The following FAM13B variants were observed in gnomAD, a reference collection of about 807,000 sequenced individuals.
The protein encoded by FAM13B is family with sequence similarity 13 member B, also known as protein FAM13B.
FAM13B carries 60 observed loss-of-function variants against 117.3 expected under a neutral mutation model. The ratio of observed to expected loss-of-function variants is 0.51; its 90% confidence interval spans 0.42 to 0.63. The LOEUF is 0.63. FAM13B is among the 30% of genes least tolerant of loss of function. The probability of loss-of-function intolerance (pLI) is 0.00; values close to 1 mark genes in which losing one functional copy is unlikely to be tolerated. For missense variants in FAM13B, 972 were observed against 1,091.9 expected (o/e 0.89, Z 1.55); for synonymous variants, 332 against 356.1 (o/e 0.93, Z 0.76).
At position 138,025,807 on chromosome 5, in the gene FAM13B, C is replaced by G. The variant is rs1432751986; in HGVS notation, c.-202-4610G>C. On this transcript the variant is annotated intron_variant, in intron 1 of 23. Coordinates refer to ENST00000689681, the MANE Select transcript of FAM13B (RefSeq NM_001385994.1). ...AAATTTTGTACAAAAGCATAAAAAC[C>G]CTGATTAACACAAACAATCCTGAAG... Among the ~76,000 whole-genome samples the G allele has an allele frequency of 7.2e-5, 11 of 152,036 alleles. No homozygotes were observed. The East Asian group carries it at 2.1e-3, about 29-fold the overall frequency.
intron 1 of FAM13B, among the ~76,000 whole-genome samples, chr5:138,044,628 C>A (rs4033319): frequency 0.98 from 149,085 of 152,024 alleles, 73,169 homozygotes; most frequent in Middle Eastern, 1. Flanking sequence ...TTTCACGGTA[C>A]AGTAAGGATT....
In FAM13B at chr5:138,021,213, A is replaced by C; in HGVS notation, c.-202-16T>G. 1 of 1,230,954 alleles carries C rather than the reference A, an allele frequency of 8.1e-7. No individual in the cohort carries two copies. The highest frequency in any genetic ancestry group is 4.1e-5 in the South Asian group (1 of 24,306). The allele number at this position is 1,230,954 out of a possible 1,614,324, so 76.3% of individuals were successfully genotyped here. Reference sequence around the variant, plus strand: ...AGCAGTTAATCTACAAGACAAAAACAATTATTTCAATTTCCCACATCTTTA... The same window carrying C: ...AGCAGTTAATCTACAAGACAAAAACCATTATTTCAATTTCCCACATCTTTA... On this transcript the variant is annotated splice_polypyrimidine_tract_variant and intron_variant, in intron 1 of 23. Transcript: ENST00000689681.
Position 138,033,067 on chromosome 5 carries a change from G to C in FAM13B, c.-488C>G. On this transcript the variant is annotated 5_prime_UTR_variant, in exon 1 of 24. Coordinates refer to ENST00000689681, the MANE Select transcript of FAM13B (RefSeq NM_001385994.1). ...GCAGAGCCTCCCTAACGGCGAGCGG[G>C]AGGAGAGCGGCTGGCGGGCGGAGGC... The C allele has an allele frequency of 5.1e-6, 5 of 986,328 alleles. No homozygotes were observed. Among genetic ancestry groups the C allele is most frequent in the Non-Finnish European group, 6.0e-6 (5 of 830,768 alleles). The allele number at this position is 986,328 out of a possible 1,614,324, so 61.1% of individuals were successfully genotyped here. A position where few individuals can be genotyped will look rare whatever the true frequency, so the allele number is the denominator to read the frequency against.
At chr5:138,051,021 T>TG (rs370903227) in intron 1 of FAM13B, among the ~76,000 whole-genome samples, 1,957 of 150,354 alleles carry the variant, frequency 0.013, 19 homozygotes, top group Middle Eastern at 0.024. Context: ...AGCATATTAG[T>TG]GGGGGGGGGA....
At chr5:137,960,685 C>T (rs980061466) in intron 11 of FAM13B, among the ~76,000 whole-genome samples, 12 of 152,190 alleles carry the variant, frequency 7.9e-5, no homozygotes, top group African/African-American at 2.9e-4. Context: ...AAGGATACTA[C>T]TTCCAATCAG....
chr5:138,036,420 T>C, upstream of FAM13B: 1 of 456,510 alleles, frequency 2.2e-6, no homozygotes, highest in East Asian at 6.9e-5. Flanking sequence ...AACATTCCTC[T>C]ACTCTGCTGC....
chr5:138,035,763 A>G (rs1372099233), upstream of FAM13B, among the ~76,000 whole-genome samples: 1 of 152,232 alleles, frequency 6.6e-6, no homozygotes, highest in Non-Finnish European at 1.5e-5. Context: ...TCCCGGCTTA[A>G]CTAATCATAA....
At chr5:138,014,308 C>T (rs539233998) in intron 4 of FAM13B, among the ~76,000 whole-genome samples, 47 of 152,296 alleles carry the variant, frequency 3.1e-4, no homozygotes, top group South Asian at 8.3e-4. Context: ...GGTCCCCAGC[C>T]GGGGCTGCAG....
chr5:138,007,019 G>A lies in FAM13B; in HGVS notation c.819C>T (p.Ile273=). Residue 273 remains isoleucine, a synonymous_variant, in exon 7 of 24, where the codon ATC becomes ATT. Coordinates refer to ENST00000689681, the MANE Select transcript of FAM13B (RefSeq NM_001385994.1). ...EVVQLRMTEN[I]LESNSVTATS... ...TTGCCGTAACACTATTTGATTCCAGGATGTTTTCAGTCATCCTTAATTGTA... is the reference window on the plus strand; with the variant it reads ...TTGCCGTAACACTATTTGATTCCAGAATGTTTTCAGTCATCCTTAATTGTA... 6.2e-7 allele frequency: 1 copy of A among 1,610,254 alleles called. No homozygotes were observed. Among genetic ancestry groups the A allele is most frequent in the Non-Finnish European group, 8.5e-7 (1 of 1,179,162 alleles).
chr5:137,970,969 G>C (rs1024220610), intron 10 of FAM13B, among the ~76,000 whole-genome samples: 10 of 151,838 alleles, frequency 6.6e-5, no homozygotes, highest in East Asian at 1.9e-4. Flanking sequence ...AGCAAGTCCT[G>C]AGTGACCTAC....
At position 137,985,503 on chromosome 5, in the gene FAM13B, G is replaced by A. The variant is rs1024356987; in HGVS notation, c.1047-114C>T. On this transcript the variant is annotated intron_variant, in intron 9 of 23. Transcript: ENST00000689681. Reference sequence around the variant, plus strand: ...GAAACTTTTACTTGTTAAAGAAAATGTGTACCTTTCACAAAAATCCACACT... The same window carrying A: ...GAAACTTTTACTTGTTAAAGAAAATATGTACCTTTCACAAAAATCCACACT... 2.0e-5 allele frequency: 21 copies of A among 1,049,246 alleles called. No individual in the cohort carries two copies. The African/African-American group carries it at 2.9e-4, about 15-fold the overall frequency. 65.0% of individuals were successfully genotyped at this position (1,049,246 alleles called of 1,614,324 possible).
chr5:138,031,857 C>G (rs1441794567), intron 1 of FAM13B, among the ~76,000 whole-genome samples: 3 of 152,106 alleles, frequency 2.0e-5, no homozygotes, highest in Admixed American at 2.0e-4. Flanking sequence ...TCACACTAAC[C>G]CAGCTCTAAA....
intron 7 of FAM13B, among the ~76,000 whole-genome samples, chr5:138,000,979 C>G (rs1328448663): frequency 6.7e-6 from 1 of 149,462 alleles, no homozygotes; most frequent in African/African-American, 2.5e-5. Flanking sequence ...CAAACTACAA[C>G]TTGGCAAAGA....
intron 1 of FAM13B, among the ~76,000 whole-genome samples, chr5:138,030,339 T>A (rs1789564413): frequency 1.3e-5 from 2 of 151,836 alleles, no homozygotes; most frequent in African/African-American, 4.8e-5. Flanking sequence ...CTCAAACTCC[T>A]GGGCTCAAGC....
chr5:137,975,984 T>TTTTTC (rs1322845722), intron 10 of FAM13B, among the ~76,000 whole-genome samples: 1 of 145,068 alleles, frequency 6.9e-6, no homozygotes, highest in Non-Finnish European at 1.5e-5. Context: ...CTCTTCCTTT[T>TTTTTC]TTTTTTTTTT....
Position 138,018,455 on chromosome 5 carries a change from G to A in FAM13B, c.217C>T (p.Leu73Phe). The change falls in exon 4 of 24, where the codon CTT becomes TTT. Residue 73 changes from leucine to phenylalanine, a missense_variant. Transcript: ENST00000689681. The part of the protein sequence containing the change: ...VNGNAETVEW[L>F]RQRYDSGEEV... ...TCTCCGCTGTCGTATCTCTGCCGAA[G>A]CCACTCCACTGTCTCAGCATTTCCA... 6.2e-7 allele frequency: 1 copy of A among 1,614,148 alleles called. No individual in the cohort carries two copies. The highest frequency in any genetic ancestry group is 8.5e-7 in the Non-Finnish European group (1 of 1,180,032).
intron 5 of FAM13B, among the ~76,000 whole-genome samples, chr5:138,011,434 T>A (rs963093769): frequency 1.3e-5 from 2 of 152,072 alleles, no homozygotes; most frequent in African/African-American, 2.4e-5. Context: ...TTTTTTTTTT[T>A]ATGAGATGGA....
In FAM13B at chr5:137,943,017, T is replaced by C. The variant is rs778223588; in HGVS notation, c.2446A>G (p.Asn816Asp). The stretch of plus-strand genomic sequence containing the variant: ...ATATCACCTAACTCAGAGGACAGAT[T>C]AACACCATCTTCTTCTTCCTCCTAA... ...EIKEEEEDGV[N>D]LSSELGDMLK... Residue 816 changes from asparagine (N) to aspartate (D), a missense_variant, in exon 22 of 24, where the codon AAT becomes GAT. Transcript: ENST00000689681. 9 of 1,613,102 alleles carry C rather than the reference T, an allele frequency of 5.6e-6. No individual in the cohort carries two copies. The highest frequency in any genetic ancestry group is 5.5e-5 in the South Asian group (5 of 90,982).
chr5:137,994,418 T>C (rs1465083827), intron 7 of FAM13B, among the ~76,000 whole-genome samples: 3 of 152,220 alleles, frequency 2.0e-5, no homozygotes, highest in African/African-American at 7.2e-5. Flanking sequence ...TTTCATACTT[T>C]AGTCAAATCC....
Sources: gnomAD v4.1 joint callset for allele counts (sites outside exome capture counted in the v4.1 genomes callset) on GRCh38, gnomAD v4.1.1 for gene constraint, MANE v1.5 for transcripts, NCBI Gene and HGNC (gene_info 2026-07-23, HGNC 2026-07-21) for gene names.